Variants in PAK3 observed in about 807,000 individuals in gnomAD.
The protein encoded by PAK3 is p21 (RAC1) activated kinase 3, also known as serine/threonine-protein kinase PAK 3.
A neutral mutation model predicts 41.0 loss-of-function variants in PAK3; 4 were observed. The observed-to-expected ratio is 0.10, with a 90% CI of 0.05 to 0.22. The LOEUF (loss-of-function observed/expected upper bound fraction) is 0.22, where lower values mean the gene tolerates loss of function less well. Ranked by LOEUF, PAK3 falls within the 10% of genes least tolerant of loss-of-function variation. The pLI, the probability that PAK3 is intolerant of heterozygous loss-of-function variation, is 1.00. For synonymous variants in PAK3, 146 were observed against 139.6 expected (o/e 1.05, Z -0.32); for missense variants, 205 against 409.9 (o/e 0.50, Z 4.32).
chrX:110,953,446 C>G (rs1376284093), intron 1 of PAK3, among the ~76,000 whole-genome samples: 1 of 112,214 alleles, frequency 8.9e-6, no homozygotes, highest in Non-Finnish European at 1.9e-5. Flanking sequence ...TCAATGTTTG[C>G]TTTGTGACAG....
chrX:111,071,774 T>G lies in PAK3; in HGVS notation c.-27-51303T>G, dbSNP rs73539058. ...AATTTTCTAATTCAAGTCCACATGT[T>G]CCAGCCAGAGAGTAGAGTGGTAAAC... is the stretch of plus-strand genomic sequence containing the variant. On this transcript the variant is annotated intron_variant, in intron 1 of 14. Transcript: ENST00000425146. Among the ~76,000 whole-genome samples the G allele has an allele frequency of 2.3e-3, 263 of 112,179 alleles. 1 individual carries two copies. Among genetic ancestry groups the G allele is most frequent in the African/African-American group, 7.8e-3 (241 of 30,951 alleles).
At chrX:111,116,250 A>G (rs1461756502) in intron 4 of PAK3, among the ~76,000 whole-genome samples, 4 of 110,900 alleles carry the variant, frequency 3.6e-5, no homozygotes, top group African/African-American at 6.6e-5. Context: ...TTTTCCACCA[A>G]TTTCTCTGAG....
upstream of PAK3, among the ~76,000 whole-genome samples, chrX:111,091,945 A>C (rs2148858317): frequency 9.0e-6 from 1 of 111,579 alleles, no homozygotes; most frequent in South Asian, 3.8e-4. Flanking sequence ...ACAGACCCAG[A>C]GTCCACTACT....
intron 1 of PAK3, among the ~76,000 whole-genome samples, chrX:110,974,171 C>A (rs1042754734): frequency 1.8e-5 from 2 of 111,159 alleles, no homozygotes; most frequent in Non-Finnish European, 3.8e-5. Context: ...AGAAGGTTAA[C>A]AAGGATATCC....
At chrX:111,100,899 T>G in intron 3 of PAK3, among the ~76,000 whole-genome samples, 1 of 111,137 alleles carries the variant, frequency 9.0e-6, no homozygotes, top group Admixed American at 9.5e-5. Flanking sequence ...GAGCCATAGG[T>G]GTACAACAAG....
chrX:111,163,465 C>T lies in PAK3; in HGVS notation c.601-97C>T. 4.8e-6 allele frequency: 3 copies of T among 631,574 alleles called. No homozygotes were observed. In the South Asian group the frequency reaches 7.3e-5, roughly 15 times the overall value. The allele number at this position is 631,574 out of a possible 1,213,427, so 52.0% of individuals were successfully genotyped here. On this transcript the variant is annotated intron_variant, in intron 9 of 17. Transcript: ENST00000372007. ...GTCCTTTTTTTTTTTAAGAAAATAC[C>T]ACTTGTCTTTAAAAATTCATTGATA...
At position 111,186,137 on chromosome X, in the gene PAK3, T is replaced by C. The variant is rs181680985; in HGVS notation, c.831-5990T>C. Among the ~76,000 whole-genome samples, 13 of 111,491 alleles carry C rather than the reference T, an allele frequency of 1.2e-4. No homozygotes were observed. The East Asian group carries it at 3.7e-3, about 32-fold the overall frequency. On this transcript the variant is annotated intron_variant, in intron 11 of 17. Coordinates refer to ENST00000372007, the MANE Select transcript of PAK3 (RefSeq NM_002578.5). ...CAATAAACTAGGTATTGATGGAGCATATCTCAAAATATTAAGAGCTATTTA... is the reference window on the plus strand; with the variant it reads ...CAATAAACTAGGTATTGATGGAGCACATCTCAAAATATTAAGAGCTATTTA...
intron 11 of PAK3, among the ~76,000 whole-genome samples, chrX:111,180,729 T>C (rs1223766304): frequency 8.9e-6 from 1 of 111,912 alleles, no homozygotes; most frequent in Non-Finnish European, 1.9e-5. Context: ...GATGGTTCTA[T>C]GCTTGTACCT....
rs776882145 is a variant in PAK3 at position 111,120,389 on chromosome X, T to C, written c.-27-2688T>C. On this transcript the variant is annotated intron_variant, in intron 4 of 17. Transcript: ENST00000372007. ...ATAAAGTCAGGGTAATCAGGCAGCCTGAAAGGAAGCAGGGCATCTACCTGC... is the reference window on the plus strand; with the variant it reads ...ATAAAGTCAGGGTAATCAGGCAGCCCGAAAGGAAGCAGGGCATCTACCTGC... Among the ~76,000 whole-genome samples, 461 of 111,759 alleles carry C rather than the reference T, an allele frequency of 4.1e-3. 3 individuals carry two copies. The highest frequency in any genetic ancestry group is 0.014 in the African/African-American group (442 of 30,789).
At chrX:111,131,900 G>A (rs904405489) in intron 5 of PAK3, among the ~76,000 whole-genome samples, 2 of 111,909 alleles carry the variant, frequency 1.8e-5, no homozygotes, top group Admixed American at 1.9e-4. Flanking sequence ...GTATAAGGAA[G>A]GCTTCAGAAG....
intron 1 of PAK3, among the ~76,000 whole-genome samples, chrX:111,013,047 G>A: frequency 8.9e-6 from 1 of 112,664 alleles, no homozygotes; most frequent in East Asian, 2.8e-4. Flanking sequence ...TGGGATTACA[G>A]GCGTGAGCCA....
chrX:110,953,167 G>C, intron 1 of PAK3, among the ~76,000 whole-genome samples: 1 of 111,583 alleles, frequency 9.0e-6, no homozygotes, highest in East Asian at 2.8e-4. Context: ...AACTGGAAGG[G>C]GATGTCTGAC....
At chrX:111,219,044 G>C (rs2094905040) in intron 17 of PAK3, among the ~76,000 whole-genome samples, 1 of 108,569 alleles carries the variant, frequency 9.2e-6, no homozygotes, top group Non-Finnish European at 1.9e-5. Context: ...ACAAAAATTA[G>C]CCAGGCATGG....
intron 1 of PAK3, among the ~76,000 whole-genome samples, chrX:111,011,250 T>G (rs2092007193): frequency 3.6e-5 from 4 of 111,425 alleles, no homozygotes; most frequent in African/African-American, 9.8e-5. Context: ...TTCCTCGAAA[T>G]GAAGGCATGA....
At chrX:110,976,879 G>C (rs189380896) in intron 1 of PAK3, among the ~76,000 whole-genome samples, 2 of 105,654 alleles carry the variant, frequency 1.9e-5, no homozygotes, top group Non-Finnish European at 3.9e-5. Flanking sequence ...AACATCACAT[G>C]TTCTCACTCA....
rs2094613978 is a variant in PAK3, at chrX:111,196,451, T to C, written c.1218T>C (p.Phe406=). The C allele has an allele frequency of 8.3e-7, 1 of 1,208,984 alleles. No homozygotes were observed. Among genetic ancestry groups the C allele is most frequent in the Admixed American group, 2.2e-5 (1 of 46,078 alleles). ...GGCTTTTCTTCTCTGCAGCTGACTT[T>C]GGGTTCTGTGCCCAGATCACTCCTG... ...GMDGSVKLTD[F]GFCAQITPEQ... The change falls in exon 16 of 18, where the codon TTT becomes TTC. Residue 406 remains phenylalanine (F), a synonymous_variant. Coordinates refer to ENST00000372007, the MANE Select transcript of PAK3 (RefSeq NM_002578.5).
chrX:111,095,972 T>A (rs1210074975), upstream of PAK3, among the ~76,000 whole-genome samples: 1 of 111,334 alleles, frequency 9.0e-6, no homozygotes, highest in Non-Finnish European at 1.9e-5. Flanking sequence ...AGTGTAGAAG[T>A]TTCCATCTCC....
chrX:111,118,480 C>A (rs1313739489), intron 4 of PAK3, among the ~76,000 whole-genome samples: 1 of 110,801 alleles, frequency 9.0e-6, no homozygotes. Context: ...ATATATATCT[C>A]AGATTAGGAA....
intron 11 of PAK3, among the ~76,000 whole-genome samples, chrX:111,188,041 T>C (rs959747866): frequency 9.2e-6 from 1 of 108,344 alleles, no homozygotes; most frequent in African/African-American, 3.4e-5. Flanking sequence ...CATTTTTAGT[T>C]AGCAGCTGGT....
Sources: allele counts gnomAD v4.1 joint callset (sites outside exome capture counted in the v4.1 genomes callset), GRCh38; gene constraint gnomAD v4.1.1; transcripts MANE v1.5; gene names NCBI Gene and HGNC (gene_info 2026-07-23, HGNC 2026-07-21).